HECTD2: variants seen among roughly 807,000 people sequenced by gnomAD.
The protein encoded by HECTD2 is HECT domain E3 ubiquitin protein ligase 2.
In HECTD2, 35 loss-of-function variants were observed where a neutral mutation model predicts 103.2. The ratio of observed to expected loss-of-function variants is 0.34; its 90% CI spans 0.26 to 0.45. HECTD2 has a LOEUF of 0.45. Ranked by LOEUF, HECTD2 falls within the 20% of genes least tolerant of loss-of-function variation. HECTD2 has a pLI of 1.00. For synonymous variants in HECTD2, 281 were observed against 329.9 expected, an observed-to-expected ratio of 0.85 and a Z score of 1.61; for missense variants, 596 against 937.4, an observed-to-expected ratio of 0.64 and a Z score of 4.76.
At chr10:91,468,053 G>A (rs1363866425) in intron 5 of HECTD2, among the ~76,000 whole-genome samples, 1 of 152,198 alleles carries the variant, frequency 6.6e-6, no homozygotes. Flanking sequence ...AGATGTGTGT[G>A]CATCCCATCA....
chr10:91,437,546 G>C (rs1844170976), intron 2 of HECTD2, among the ~76,000 whole-genome samples: 1 of 151,714 alleles, frequency 6.6e-6, no homozygotes, highest in South Asian at 2.1e-4. Flanking sequence ...TCCTTTGTTG[G>C]GGGGAGTATA....
rs140275903 is a variant in HECTD2 at position 91,457,906 on chromosome 10, A to G, written c.269-2521A>G. On this transcript the variant is annotated intron_variant, in intron 2 of 20. Coordinates refer to ENST00000298068, the MANE Select transcript of HECTD2 (RefSeq NM_182765.6). ...AGGATGTTTGCTCTTACTCTTATTC[A>G]TCTCAGTGCTGCAAATTTTAGCCGA... Among the ~76,000 whole-genome samples the G allele has an allele frequency of 3.1e-3, 477 of 151,944 alleles. 2 individuals are homozygous for G. The highest frequency in any genetic ancestry group is 4.9e-3 in the Admixed American group (74 of 15,240).
intron 4 of HECTD2, 112 bp from the exon 5 acceptor site, chr10:91,461,983 T>C (rs1845368497): frequency 2.5e-6 from 2 of 790,856 alleles, no homozygotes; most frequent in Non-Finnish European, 3.9e-6. Context: ...AGTTCTTTTT[T>C]ATTATCAGAC....
chr10:91,500,390 G>C (rs1846854499), intron 18 of HECTD2, 112 bp from the exon 19 acceptor site: 1 of 330,072 alleles, frequency 3.0e-6, no homozygotes, highest in Non-Finnish European at 6.1e-6. Flanking sequence ...AAAATGGTTT[G>C]ATTTACTATG....
At position 91,460,581 on chromosome 10, in the gene HECTD2, T is replaced by C. The variant is rs115084987; in HGVS notation, c.407+16T>C. On this transcript the variant is annotated intron_variant, in intron 3 of 20. Transcript: ENST00000298068. The stretch of plus-strand genomic sequence containing the variant: ...AAGACTTTCAGTAAGTTTCAGCTAT[T>C]ATATGTAAATGTATAGTCATCTGCA... 1.2e-3 allele frequency: 1,913 copies of C among 1,601,052 alleles called. 27 individuals are homozygous for C. The African/African-American group carries it at 0.023, about 20-fold the overall frequency.
chr10:91,500,409 T>A, intron 18 of HECTD2, 93 bp from the exon 19 acceptor site: 5 of 403,068 alleles, frequency 1.2e-5, no homozygotes, highest in East Asian at 1.1e-4. Context: ...TGAGAAATCA[T>A]GACTTTTGTG....
At chr10:91,437,400 T>C (rs1844164835) in intron 2 of HECTD2, among the ~76,000 whole-genome samples, 1 of 151,982 alleles carries the variant, frequency 6.6e-6, no homozygotes, top group African/African-American at 2.4e-5. Flanking sequence ...GACAAACATC[T>C]CAAAAGAGAG....
chr10:91,472,552 A>C (rs1210113624), intron 5 of HECTD2, among the ~76,000 whole-genome samples: 1 of 152,234 alleles, frequency 6.6e-6, no homozygotes, highest in East Asian at 1.9e-4. Flanking sequence ...TTTGCAAACT[A>C]TGCATCCAAC....
chr10:91,461,261 G>C lies in HECTD2; in HGVS notation c.415G>C (p.Val139Leu), dbSNP rs61754655. 1 of 1,454,224 alleles carries C rather than the reference G, an allele frequency of 6.9e-7. No individual in the cohort carries two copies. Among genetic ancestry groups the C allele is most frequent in the Non-Finnish European group, 9.4e-7 (1 of 1,066,066 alleles). 90.1% of individuals were successfully genotyped at this position (1,454,224 alleles called of 1,614,324 possible). A position where few individuals can be genotyped will look rare whatever the true frequency, so the allele number is the denominator to read the frequency against. ...AATGTGTTTTCATTTTAGGGAAGAT[G>C]TAGAAAAAGTTAAGTCATCAGGAGA... The part of the protein sequence containing the change: ...PKTVKDFQED[V>L]EKVKSSGDWK... The change falls in exon 4 of 21, where the codon GTA (valine) becomes CTA (leucine). Residue 139 changes from valine (V) to leucine (L), a missense_variant. By Grantham distance (32) the Val-to-Leu change is conservative. Around this residue, in one of 4 missense-constraint regions of HECTD2, gnomAD observed 220 missense variants for 233.9 expected, o/e 0.94. Transcript: ENST00000298068.
Position 91,501,298 on chromosome 10 carries a change from A to G in HECTD2, c.2174A>G (p.Asn725Ser). 1.9e-6 allele frequency: 3 copies of G among 1,600,946 alleles called. No individual in the cohort carries two copies. Among genetic ancestry groups the G allele is most frequent in the Non-Finnish European group, 2.6e-6 (3 of 1,174,620 alleles). ...RVPVGGMADL[N>S]FKISKNETST... is the part of the protein sequence containing the mutation. ...CCTGTAGGAGGGATGGCTGATTTGAACTTTAAAATCTCAAAGAATGAAACT... is the reference window on the plus strand; with the variant it reads ...CCTGTAGGAGGGATGGCTGATTTGAGCTTTAAAATCTCAAAGAATGAAACT... Residue 725 changes from asparagine (N) to serine (S), a missense_variant, in exon 20 of 21, where the codon AAC (asparagine) becomes AGC (serine). Physicochemically the swap from Asn to Ser is conservative, Grantham distance 46. Coordinates refer to ENST00000298068, the MANE Select transcript of HECTD2 (RefSeq NM_182765.6).
intron 20 of HECTD2, among the ~76,000 whole-genome samples, chr10:91,509,075 G>A (rs1018109017): frequency 1.4e-4 from 20 of 142,274 alleles, no homozygotes; most frequent in African/African-American, 5.3e-4. Flanking sequence ...ATTGAACAGT[G>A]AGATCACATG....
intron 18 of HECTD2, 100 bp from the exon 19 acceptor site, chr10:91,500,395 ACTATGAG>A: frequency 5.2e-6 from 2 of 387,074 alleles, no homozygotes; most frequent in Non-Finnish European, 1.0e-5. Flanking sequence ...GGTTTGATTT[ACTATGAG>A]AAATCATGAC....
chr10:91,472,787 T>C (rs899469454), intron 5 of HECTD2, among the ~76,000 whole-genome samples: 7 of 151,916 alleles, frequency 4.6e-5, no homozygotes, highest in Non-Finnish European at 1.0e-4. Context: ...GTTACAGATA[T>C]TGAGATTATG....
intron 2 of HECTD2, among the ~76,000 whole-genome samples, chr10:91,431,185 T>G (rs1016378366): frequency 5.9e-5 from 9 of 151,884 alleles, no homozygotes; most frequent in Non-Finnish European, 1.5e-5. Context: ...AATTCTTTTC[T>G]TTAAGAATGT....
intron 1 of HECTD2, among the ~76,000 whole-genome samples, chr10:91,416,658 A>G (rs1300856498): frequency 6.6e-6 from 1 of 152,220 alleles, no homozygotes; most frequent in Admixed American, 6.5e-5. Flanking sequence ...TAAGTGACAC[A>G]TGATTGTGTT....
Position 91,506,496 on chromosome 10 carries a change from C to G in HECTD2, c.2210+5162C>G, listed in dbSNP as rs1847184629. ...TACCATCAGAGAATACTACAAACAC[C>G]TCTACGCAAATAAACTAGAAAATCT... On this transcript the variant is annotated intron_variant, in intron 20 of 20. Transcript: ENST00000298068. Among the ~76,000 whole-genome samples, 4 of 151,990 alleles carry G rather than the reference C, an allele frequency of 2.6e-5. No individual in the cohort carries two copies. The South Asian group carries it at 8.3e-4, about 32-fold the overall frequency.
chr10:91,409,440 T>C (rs1842826542), upstream of HECTD2: 1 of 152,282 alleles, frequency 6.6e-6, no homozygotes, highest in Non-Finnish European at 1.5e-5. Context: ...ATCTCTAACA[T>C]AAACGGAAAG....
intron 20 of HECTD2, among the ~76,000 whole-genome samples, chr10:91,505,007 A>G (rs1847090453): frequency 6.6e-6 from 1 of 152,224 alleles, no homozygotes; most frequent in African/African-American, 2.4e-5. Context: ...CCAGAATTTC[A>G]TATCCAGCCA....
At chr10:91,457,103 A>G (rs959525368) in intron 2 of HECTD2, among the ~76,000 whole-genome samples, 2 of 152,116 alleles carry the variant, frequency 1.3e-5, no homozygotes, top group East Asian at 1.9e-4. Context: ...AACAAAAGCT[A>G]TTGCAGCTCA....
Sources: gnomAD v4.1 joint callset for allele counts (sites outside exome capture counted in the v4.1 genomes callset) on GRCh38, gnomAD v4.1.1 for gene constraint, gnomAD v4.1.1 regional missense constraint, MANE v1.5 for transcripts, NCBI Gene and HGNC (gene_info 2026-07-23, HGNC 2026-07-21) for gene names.